TRPC5: variants seen among roughly 807,000 people sequenced by gnomAD.
The protein encoded by TRPC5 is transient receptor potential cation channel subfamily C member 5, also known as short transient receptor potential channel 5.
In TRPC5, 9 loss-of-function variants were observed where a neutral mutation model predicts 56.5. That is an observed-to-expected ratio of 0.16 (90% confidence interval 0.10 to 0.28). The LOEUF is 0.28. Ranked by LOEUF, TRPC5 falls within the 10% of genes least tolerant of loss-of-function variation. The pLI, the probability that TRPC5 is intolerant of heterozygous loss-of-function variation, is 1.00. For missense variants in TRPC5, 469 were observed against 748.9 expected (o/e 0.63, Z 4.36); for synonymous variants, 282 against 278.5 (o/e 1.01, Z -0.13).
intron 1 of TRPC5, among the ~76,000 whole-genome samples, chrX:111,993,850 C>T (rs188486248): frequency 8.2e-4 from 91 of 111,482 alleles, no homozygotes; most frequent in African/African-American, 2.8e-3. Context: ...CATTCTGTGC[C>T]GTGCCTGTTC....
At position 111,868,740 on chromosome X, in the gene TRPC5, A is replaced by C. The variant is rs757037779; in HGVS notation, c.901-14634T>G. Among the ~76,000 whole-genome samples, 3 of 112,003 alleles carry C rather than the reference A, an allele frequency of 2.7e-5. No individual in the cohort carries two copies. The South Asian group carries it at 1.1e-3, about 42-fold the overall frequency. ...TATACCAGAGGAGAAGGTGAGGATC[A>C]GGAAGAAACAGCAGTTACTGGCTAT... On this transcript the variant is annotated intron_variant, in intron 3 of 10. Transcript: ENST00000262839.
At chrX:111,808,069 G>A (rs1303878255) in intron 7 of TRPC5, among the ~76,000 whole-genome samples, 1 of 109,219 alleles carries the variant, frequency 9.2e-6, no homozygotes, top group East Asian at 2.9e-4. Context: ...ACTTCCCTGG[G>A]TCAGACCTGA....
At chrX:112,026,917 A>G (rs1929427442) in intron 1 of TRPC5, among the ~76,000 whole-genome samples, 1 of 107,779 alleles carries the variant, frequency 9.3e-6, no homozygotes, top group Non-Finnish European at 1.9e-5. Flanking sequence ...GAAAAAAAAA[A>G]AAGAAGAAGA....
In TRPC5 at chrX:111,912,675, G is replaced by A. The variant is rs776913612; in HGVS notation, c.516C>T (p.His172=). 2.6e-5 allele frequency: 32 copies of A among 1,209,126 alleles called. No individual in the cohort carries two copies. The East Asian group carries it at 9.2e-4, about 35-fold the overall frequency. ...VQKRVTIPRP[H]QIRCNCVECV... ...ACTCCACACAGTTGCAGCGGATCTGGTGGGGCCGTGGGATAGTGACCCGTT... is the reference window on the plus strand; with the variant it reads ...ACTCCACACAGTTGCAGCGGATCTGATGGGGCCGTGGGATAGTGACCCGTT... The change falls in exon 3 of 11, where the codon CAC becomes CAT. Residue 172 remains histidine (H), a synonymous_variant. Coordinates refer to ENST00000262839, the MANE Select transcript of TRPC5 (RefSeq NM_012471.3).
In TRPC5 at chrX:111,915,066, TCTC is replaced by T. The variant is rs374937833; in HGVS notation, c.379-2257_379-2255del. 6.3e-4 allele frequency among the ~76,000 whole-genome samples: 42 copies of T among 66,924 alleles called. 1 individual carries two copies. In the African/African-American group the frequency reaches 8.9e-3, roughly 14 times the overall value. 58.1% of individuals were successfully genotyped at this position (66,924 alleles called of 115,157 possible). On this transcript the variant is annotated intron_variant, in intron 2 of 10. Coordinates refer to ENST00000262839, the MANE Select transcript of TRPC5 (RefSeq NM_012471.3). ...TTCCTCTTTCCTCGCTCTCTTTCTC[TCTC>T]TCTCTCTCTCTCCCCGCCACTTCCT...
At chrX:111,961,423 C>T (rs940091004) in intron 1 of TRPC5, among the ~76,000 whole-genome samples, 6 of 111,619 alleles carry the variant, frequency 5.4e-5, no homozygotes, top group African/African-American at 1.6e-4. Flanking sequence ...ACACTCTTTG[C>T]ATATACTGCC....
chrX:111,791,103 C>T (rs1217448877), intron 7 of TRPC5, among the ~76,000 whole-genome samples: 3 of 104,934 alleles, frequency 2.9e-5, no homozygotes, highest in Non-Finnish European at 3.9e-5. Flanking sequence ...CATCATCCCA[C>T]CTTTAGAACT....
At chrX:111,865,224 C>G (rs1333960471) in intron 3 of TRPC5, among the ~76,000 whole-genome samples, 3 of 109,675 alleles carry the variant, frequency 2.7e-5, no homozygotes, top group Non-Finnish European at 5.7e-5. Flanking sequence ...CCATGTTACC[C>G]CCCCCAGCCT....
chrX:112,040,459 A>G (rs906155686), intron 1 of TRPC5, among the ~76,000 whole-genome samples: 2 of 111,971 alleles, frequency 1.8e-5, no homozygotes, highest in Non-Finnish European at 3.8e-5. Context: ...CACTTAAAGT[A>G]TAAACTGATA....
At chrX:112,013,335 G>A (rs1373092193) in intron 1 of TRPC5, among the ~76,000 whole-genome samples, 1 of 111,365 alleles carries the variant, frequency 9.0e-6, no homozygotes, top group Admixed American at 9.5e-5. Flanking sequence ...ATTTTTAGTA[G>A]AGACGGGGTT....
At chrX:111,803,029 C>T (rs1191580899) in intron 7 of TRPC5, among the ~76,000 whole-genome samples, 2 of 110,594 alleles carry the variant, frequency 1.8e-5, no homozygotes, top group Admixed American at 9.7e-5. Context: ...CTCCACCCCT[C>T]GACAAGCCCC....
At chrX:112,005,394 A>G (rs1420050119) in intron 1 of TRPC5, among the ~76,000 whole-genome samples, 2 of 107,125 alleles carry the variant, frequency 1.9e-5, no homozygotes, top group African/African-American at 6.9e-5. Flanking sequence ...TCTGTATAAC[A>G]AACCCCTGTG....
At chrX:111,858,182 T>C (rs1237670682) in intron 3 of TRPC5, among the ~76,000 whole-genome samples, 4 of 111,860 alleles carry the variant, frequency 3.6e-5, no homozygotes, top group Non-Finnish European at 7.5e-5. Flanking sequence ...GAAAGCACAA[T>C]CCTGATTCTG....
At chrX:111,842,392 C>A (rs1300007454) in intron 6 of TRPC5, among the ~76,000 whole-genome samples, 1 of 110,172 alleles carries the variant, frequency 9.1e-6, no homozygotes, top group Non-Finnish European at 1.9e-5. Context: ...CCCGGTTTAG[C>A]CTCCCAAAGT....
At chrX:112,037,908 A>G (rs2147724352) in intron 1 of TRPC5, among the ~76,000 whole-genome samples, 1 of 111,898 alleles carries the variant, frequency 8.9e-6, no homozygotes, top group Non-Finnish European at 1.9e-5. Flanking sequence ...GGAGGTGTCT[A>G]AATTTGCACT....
chrX:111,888,443 G>A (rs1000331530), intron 3 of TRPC5, among the ~76,000 whole-genome samples: 13 of 105,652 alleles, frequency 1.2e-4, no homozygotes, highest in African/African-American at 4.5e-4. Context: ...GGGAGGCCGA[G>A]GCGGGCGGAT....
At chrX:111,789,776 G>C (rs1229292055) in intron 7 of TRPC5, among the ~76,000 whole-genome samples, 1 of 112,564 alleles carries the variant, frequency 8.9e-6, no homozygotes, top group Non-Finnish European at 1.9e-5. Context: ...CTTAAAACAA[G>C]ACATCTATGC....
chrX:111,962,540 C>T (rs766480082), intron 1 of TRPC5, among the ~76,000 whole-genome samples: 18 of 112,074 alleles, frequency 1.6e-4, no homozygotes, highest in East Asian at 2.8e-4. Context: ...AAAACTTTAA[C>T]GCATGAAGAG....
intron 7 of TRPC5, among the ~76,000 whole-genome samples, chrX:111,820,574 G>A (rs973113028): frequency 5.4e-5 from 6 of 111,961 alleles, no homozygotes; most frequent in Admixed American, 1.9e-4. Context: ...AGCCATGCCC[G>A]TTCATTTATG....
Sources: gnomAD v4.1 joint callset for allele counts (sites outside exome capture counted in the v4.1 genomes callset) on GRCh38, gnomAD v4.1.1 for gene constraint, MANE v1.5 for transcripts, NCBI Gene and HGNC (gene_info 2026-07-23, HGNC 2026-07-21) for gene names.